The following DOCK8 variants were observed in gnomAD, a reference collection of about 807,000 sequenced individuals.
DOCK8 encodes dedicator of cytokinesis protein 8.
Under a neutral mutation model 245.6 loss-of-function variants are expected in DOCK8, and 141 were observed. The observed-to-expected ratio is 0.57, with a 90% CI of 0.50 to 0.66. DOCK8 has a LOEUF of 0.66. Among genes scored for constraint, DOCK8 ranks in the 30% least tolerant of loss-of-function variants. The pLI is 0.00. For synonymous variants in DOCK8, 1,168 were observed against 970.2 expected (o/e 1.20, Z -3.79); for missense variants, 2,965 against 2,603.4 (o/e 1.14, Z -3.02).
In DOCK8 at chr9:377,079, G is replaced by A; in HGVS notation, c.2308G>A (p.Glu770Lys). 6.2e-7 allele frequency: 1 copy of A among 1,613,086 alleles called. No individual in the cohort carries two copies. Among genetic ancestry groups the A allele is most frequent in the Non-Finnish European group, 8.5e-7 (1 of 1,179,958 alleles). The change falls in exon 20 of 48, where the codon GAG becomes AAG. Residue 770 changes from glutamate (E) to lysine (K), a missense_variant. Glu to Lys is a moderately conservative substitution (Grantham distance 56). Around this residue, in one of 3 missense-constraint regions of DOCK8, gnomAD observed 2,825 missense variants for 2,453.5 expected, o/e 1.15. Transcript: ENST00000432829. ...TCAGAAAATCAGCGAGATGGCGCTG[G>A]AGCATGAGCTGAAGCTCAGCATCAT... ...LDQKISEMAL[E>K]HELKLSIICL...
chr9:277,446 G>A (rs2048390291), intron 2 of DOCK8, among the ~76,000 whole-genome samples: 1 of 115,836 alleles, frequency 8.6e-6, no homozygotes, highest in African/African-American at 3.8e-5. Context: ...GAGAAGAGAG[G>A]AGAAGAGAAA....
chr9:364,254 A>T (rs1334906207), intron 14 of DOCK8, among the ~76,000 whole-genome samples: 1 of 152,218 alleles, frequency 6.6e-6, no homozygotes, highest in South Asian at 2.1e-4. Flanking sequence ...TTTATTAAGA[A>T]TAGTCACATT....
chr9:393,522 C>G (rs1047730792), intron 24 of DOCK8, among the ~76,000 whole-genome samples: 2 of 152,208 alleles, frequency 1.3e-5, no homozygotes, highest in Non-Finnish European at 2.9e-5. Context: ...TAAAGAGAGT[C>G]TCCAAGTCAG....
intron 37 of DOCK8, 28 bp from the exon 38 acceptor site, chr9:433,847 A>G (rs760355029): frequency 6.4e-7 from 1 of 1,567,698 alleles, no homozygotes; most frequent in Non-Finnish European, 8.8e-7. Context: ...CAAAGCTAAG[A>G]TTATTTTGAG....
At chr9:353,671 G>A (rs969066355) in intron 14 of DOCK8, among the ~76,000 whole-genome samples, 2 of 151,974 alleles carry the variant, frequency 1.3e-5, no homozygotes, top group African/African-American at 4.8e-5. Flanking sequence ...CTGTCTGGTG[G>A]CCTCAAAAAA....
intron 26 of DOCK8, among the ~76,000 whole-genome samples, chr9:400,797 C>A (rs1164315349): frequency 1.1e-5 from 1 of 93,888 alleles, no homozygotes; most frequent in Admixed American, 1.1e-4. Context: ...ACCATCACCA[C>A]CACCTCCACC....
At chr9:441,223 G>A (rs2057084223) in intron 40 of DOCK8, 63 bp from the exon 41 acceptor site, 1 of 1,604,374 alleles carries the variant, frequency 6.2e-7, no homozygotes, top group African/African-American at 1.3e-5. Flanking sequence ...AATGACCTCT[G>A]GTTGCTCTTC....
At chr9:284,214 CAG>C (rs1366446668) in intron 2 of DOCK8, among the ~76,000 whole-genome samples, 2 of 152,112 alleles carry the variant, frequency 1.3e-5, no homozygotes, top group African/African-American at 4.8e-5. Flanking sequence ...GTGTCTGTGG[CAG>C]ATTGGCAGAT....
intron 1 of DOCK8, among the ~76,000 whole-genome samples, chr9:255,106 T>C (rs2047736303): frequency 6.6e-6 from 1 of 152,128 alleles, no homozygotes; most frequent in Admixed American, 6.5e-5. Flanking sequence ...GTTTTGTATT[T>C]AAGTTCTCTA....
upstream of DOCK8, chr9:214,427 C>G (rs535929334): frequency 5.6e-6 from 8 of 1,425,398 alleles, no homozygotes; most frequent in African/African-American, 1.0e-4. Flanking sequence ...GATTTGAATC[C>G]TGATAGATTC....
intron 11 of DOCK8, 68 bp downstream of exon 11, chr9:334,452 C>G (rs1028869218): frequency 6.5e-7 from 1 of 1,538,634 alleles, no homozygotes; most frequent in Non-Finnish European, 8.8e-7. Flanking sequence ...CCACAGCTTA[C>G]TAGCGGGGAC....
chr9:328,382 G>C (rs2050858146), intron 9 of DOCK8, among the ~76,000 whole-genome samples: 1 of 152,212 alleles, frequency 6.6e-6, no homozygotes, highest in South Asian at 2.1e-4. Context: ...ACCTAGGTTT[G>C]AGTCCTGGCT....
chr9:415,018 G>A lies in DOCK8; in HGVS notation c.3700+67G>A, dbSNP rs932417039. 3.2e-6 allele frequency: 5 copies of A among 1,580,390 alleles called. No homozygotes were observed. In the African/African-American group the frequency reaches 6.7e-5, roughly 21 times the overall value. On this transcript the variant is annotated intron_variant, in intron 29 of 47. Transcript: ENST00000432829. Reference sequence around the variant, plus strand: ...CCTGCCAAATGCCCCATCCGAATGAGATCTCTGTCATTCGTTCCAGTGCTG... The same window carrying A: ...CCTGCCAAATGCCCCATCCGAATGAAATCTCTGTCATTCGTTCCAGTGCTG...
At chr9:247,570 G>C (rs2047533723) in intron 1 of DOCK8, among the ~76,000 whole-genome samples, 1 of 152,080 alleles carries the variant, frequency 6.6e-6, no homozygotes, top group Non-Finnish European at 1.5e-5. Context: ...GTCTCGCTCT[G>C]TCGCCCAGGC....
intron 1 of DOCK8, among the ~76,000 whole-genome samples, chr9:237,286 A>G (rs541913941): frequency 2.0e-5 from 3 of 152,370 alleles, no homozygotes; most frequent in South Asian, 2.1e-4. Context: ...GGAGGAGACA[A>G]GAAGAATACA....
chr9:333,896 A>G (rs552128088), intron 10 of DOCK8, among the ~76,000 whole-genome samples: 1 of 152,292 alleles, frequency 6.6e-6, no homozygotes, highest in East Asian at 1.9e-4. Context: ...TTTTATGCAA[A>G]TCCAAGTCAC....
chr9:340,501 A>G (rs978365596), intron 14 of DOCK8, 180 bp downstream of exon 14: 4 of 726,602 alleles, frequency 5.5e-6, no homozygotes, highest in Non-Finnish European at 6.7e-6. Flanking sequence ...CATGCTTGTA[A>G]TCCCAGCAAC....
At chr9:381,840 G>A (rs1226861293) in intron 21 of DOCK8, among the ~76,000 whole-genome samples, 1 of 151,898 alleles carries the variant, frequency 6.6e-6, no homozygotes, top group African/African-American at 2.4e-5. Context: ...GGTGCCTGTA[G>A]TCCCAGCTAC....
intron 22 of DOCK8, among the ~76,000 whole-genome samples, chr9:383,165 C>T (rs973860254): frequency 5.3e-5 from 8 of 151,554 alleles, no homozygotes; most frequent in African/African-American, 1.9e-4. Flanking sequence ...TTTGGGAGGC[C>T]GAGGCGGGCG....
Sources: allele counts gnomAD v4.1 joint callset (sites outside exome capture counted in the v4.1 genomes callset), GRCh38; gene constraint gnomAD v4.1.1; regional missense constraint gnomAD v4.1.1; transcripts MANE v1.5; gene names NCBI Gene and HGNC (gene_info 2026-07-23, HGNC 2026-07-21).